The following NAV2 variants were observed in gnomAD, a reference collection of about 807,000 sequenced individuals.
NAV2 encodes the protein helicase, APC down-regulated 1.
In NAV2, 54 loss-of-function variants were observed where a neutral mutation model predicts 223.2. The observed-to-expected ratio is 0.24, with a 90% confidence interval of 0.19 to 0.30. The LOEUF is 0.30. Ranked by LOEUF, NAV2 falls within the 10% of genes least tolerant of loss-of-function variation. The probability of loss-of-function intolerance (pLI) is 1.00; values close to 1 mark genes in which losing one functional copy is unlikely to be tolerated. For missense variants in NAV2, 2,806 were observed against 3,147.5 expected, an observed-to-expected ratio of 0.89 and a Z score of 2.60; for synonymous variants, 1,279 against 1,239.3, an observed-to-expected ratio of 1.03 and a Z score of -0.67.
At chr11:19,876,385 A>G (rs1021335006) in intron 4 of NAV2, among the ~76,000 whole-genome samples, 1 of 152,206 alleles carries the variant, frequency 6.6e-6, no homozygotes, top group Non-Finnish European at 1.5e-5. Context: ...AAGGTACAGT[A>G]GGACATATGC....
At chr11:19,352,402 G>C (rs1853378666) in intron 1 of NAV2, among the ~76,000 whole-genome samples, 1 of 152,196 alleles carries the variant, frequency 6.6e-6, no homozygotes, top group South Asian at 2.1e-4. Context: ...AATTGGGCTG[G>C]TACAGCAAGA....
chr11:19,960,609 A>C (rs147448047), intron 10 of NAV2, among the ~76,000 whole-genome samples: 4,817 of 149,700 alleles, frequency 0.032, 241 homozygotes, highest in African/African-American at 0.11. Flanking sequence ...TTATTTATTT[A>C]TTTATTTATT....
upstream of NAV2, among the ~76,000 whole-genome samples, chr11:19,709,359 G>A (rs1297298762): frequency 6.6e-6 from 1 of 151,800 alleles, no homozygotes; most frequent in Non-Finnish European, 1.5e-5. Flanking sequence ...TGGCTAACAT[G>A]GTGGAACCCC....
intron 1 of NAV2, among the ~76,000 whole-genome samples, chr11:19,622,149 A>G (rs2047017461): frequency 6.6e-6 from 1 of 152,142 alleles, no homozygotes. Flanking sequence ...GTTCTTTTAC[A>G]TTTGCTGAGG....
chr11:20,052,936 G>T (rs1051278502), intron 17 of NAV2, among the ~76,000 whole-genome samples: 2 of 152,112 alleles, frequency 1.3e-5, no homozygotes, highest in Admixed American at 1.3e-4. Context: ...TCAGATGCAG[G>T]CCAGGTGCGG....
intron 1 of NAV2, among the ~76,000 whole-genome samples, chr11:19,637,116 C>G (rs2047526345): frequency 6.6e-6 from 1 of 152,170 alleles, no homozygotes; most frequent in African/African-American, 2.4e-5. Flanking sequence ...TTCCCATGTG[C>G]AAAACATAAG....
intron 1 of NAV2, among the ~76,000 whole-genome samples, chr11:19,715,566 T>C (rs1174839349): frequency 6.6e-6 from 1 of 152,188 alleles, no homozygotes; most frequent in Admixed American, 6.5e-5. Flanking sequence ...AGAGGGAAAG[T>C]CCATGCTGGG....
chr11:19,409,505 G>T (rs1290770598), intron 1 of NAV2, among the ~76,000 whole-genome samples: 1 of 152,154 alleles, frequency 6.6e-6, no homozygotes, highest in African/African-American at 2.4e-5. Flanking sequence ...GCTTGGAGGG[G>T]CCTTGGCAAG....
chr11:19,467,502 A>G (rs1407897630), intron 1 of NAV2, among the ~76,000 whole-genome samples: 1 of 152,206 alleles, frequency 6.6e-6, no homozygotes, highest in Non-Finnish European at 1.5e-5. Flanking sequence ...GTACCTTTCC[A>G]TTGGAGGTGA....
chr11:19,529,177 G>C (rs1221500445), intron 1 of NAV2, among the ~76,000 whole-genome samples: 1 of 152,042 alleles, frequency 6.6e-6, no homozygotes, highest in African/African-American at 2.4e-5. Context: ...TCATGTTATT[G>C]GTGCCCCATG....
At chr11:20,027,541 CG>C in intron 11 of NAV2, 1 of 859,542 alleles carries the variant, frequency 1.2e-6, no homozygotes, top group Non-Finnish European at 1.4e-6. Flanking sequence ...GACAGAGGGG[CG>C]GGGGCTGGCC....
chr11:19,627,795 C>A (rs1438732201), intron 1 of NAV2, among the ~76,000 whole-genome samples: 1 of 151,476 alleles, frequency 6.6e-6, no homozygotes, highest in Non-Finnish European at 1.5e-5. Context: ...GCCCCGCCTG[C>A]AAAGTGAGAA....
chr11:20,009,225 T>A (rs1291452438), intron 11 of NAV2, among the ~76,000 whole-genome samples: 1 of 152,164 alleles, frequency 6.6e-6, no homozygotes, highest in Non-Finnish European at 1.5e-5. Flanking sequence ...AAGGTACTTT[T>A]CCCCCTGAGC....
chr11:19,407,524 A>G (rs1849950427), intron 1 of NAV2, among the ~76,000 whole-genome samples: 1 of 152,144 alleles, frequency 6.6e-6, no homozygotes, highest in African/African-American at 2.4e-5. Flanking sequence ...GAGGGTTTGT[A>G]AGCATGCGGA....
intron 1 of NAV2, among the ~76,000 whole-genome samples, chr11:19,655,869 G>T (rs1235340924): frequency 6.6e-6 from 1 of 152,070 alleles, no homozygotes; most frequent in East Asian, 1.9e-4. Context: ...TTGTGCACAT[G>T]TACCCTAAAA....
rs114258249 is a variant in NAV2, at chr11:20,082,216, G to A, written c.5326-791G>A. On this transcript the variant is annotated intron_variant, in intron 25 of 37. Transcript: ENST00000349880. ...CCAGTGTGACAGTGAAGCTAGAATT[G>A]CTCAAAAAGAAGACATCCTCTCCAA... is the stretch of plus-strand genomic sequence containing the variant. Among the ~76,000 whole-genome samples the A allele has an allele frequency of 6.2e-3, 939 of 152,252 alleles. 7 individuals are homozygous for A. Among genetic ancestry groups the A allele is most frequent in the African/African-American group, 0.022 (905 of 41,544 alleles).
intron 1 of NAV2, among the ~76,000 whole-genome samples, chr11:19,627,937 A>G (rs2135466938): frequency 6.6e-6 from 1 of 151,572 alleles, no homozygotes. Context: ...AAGAAGAAGA[A>G]GAAGAAGAAG....
intron 1 of NAV2, among the ~76,000 whole-genome samples, chr11:19,445,782 G>A (rs1851561468): frequency 6.9e-6 from 1 of 145,414 alleles, no homozygotes; most frequent in African/African-American, 2.6e-5. Flanking sequence ...AAATAAGAGA[G>A]AAAGGGAGAT....
chr11:19,862,220 G>A (rs2061833531), intron 3 of NAV2, among the ~76,000 whole-genome samples: 1 of 152,106 alleles, frequency 6.6e-6, no homozygotes, highest in Admixed American at 6.5e-5. Context: ...TTTTAAAAAG[G>A]GAATTTTTGA....
Sources: gnomAD v4.1 joint callset for allele counts (sites outside exome capture counted in the v4.1 genomes callset) on GRCh38, gnomAD v4.1.1 for gene constraint, MANE v1.5 for transcripts, NCBI Gene and HGNC (gene_info 2026-07-23, HGNC 2026-07-21) for gene names.